MANBA: variants seen among roughly 807,000 people sequenced by gnomAD.
The protein encoded by MANBA is mannosidase beta.
MANBA carries 83 observed loss-of-function variants against 111.1 expected under a neutral mutation model. That is an observed-to-expected ratio of 0.75 (90% CI 0.63 to 0.90). The LOEUF is 0.90. MANBA is among the 40% of genes least tolerant of loss of function. MANBA has a pLI of 0.00. For missense variants in MANBA, 1,036 were observed against 1,069.0 expected, an observed-to-expected ratio of 0.97 and a Z score of 0.43; for synonymous variants, 370 against 378.7, an observed-to-expected ratio of 0.98 and a Z score of 0.27.
intron 7 of MANBA, among the ~76,000 whole-genome samples, chr4:102,685,132 G>T (rs572589719): frequency 9.9e-5 from 15 of 152,128 alleles, no homozygotes; most frequent in Non-Finnish European, 1.8e-4. Context: ...GGAAACAGGG[G>T]TCATTACTGG....
rs192417072 is a variant in MANBA, at chr4:102,693,302, T to C, written c.674-2531A>G. 7.3e-3 allele frequency among the ~76,000 whole-genome samples: 1,108 copies of C among 152,312 alleles called. 12 individuals carry two copies. The highest frequency in any genetic ancestry group is 0.031 in the South Asian group (148 of 4,820). ...TCTTGTTTTTATAAATAAACTTTTA[T>C]TGGAACACAGATGTTATGGACTAAA... On this transcript the variant is annotated intron_variant, in intron 5 of 16. Coordinates refer to ENST00000647097, the MANE Select transcript of MANBA (RefSeq NM_005908.4).
intron 13 of MANBA, 124 bp downstream of exon 13, chr4:102,650,413 A>G: frequency 1.0e-6 from 1 of 1,004,860 alleles, no homozygotes; most frequent in South Asian, 1.4e-5. Flanking sequence ...TTTGAAGAAA[A>G]TAAATTCCTT....
intron 1 of MANBA, chr4:102,730,517 C>A: frequency 1.9e-6 from 1 of 531,106 alleles, no homozygotes; most frequent in Non-Finnish European, 3.7e-6. Flanking sequence ...AACATTGATT[C>A]TACATCTTAT....
intron 11 of MANBA, among the ~76,000 whole-genome samples, chr4:102,660,974 C>T (rs183898252): frequency 2.2e-3 from 338 of 151,980 alleles, no homozygotes; most frequent in African/African-American, 8.0e-3. Context: ...CACCATCTAC[C>T]GAATAAGCTC....
At chr4:102,659,212 G>A (rs1300741004) in intron 11 of MANBA, among the ~76,000 whole-genome samples, 1 of 152,280 alleles carries the variant, frequency 6.6e-6, no homozygotes, top group Non-Finnish European at 1.5e-5. Flanking sequence ...AGAGTAGATG[G>A]CAATTTAGTG....
At chr4:102,704,579 T>A (rs28509306) in intron 5 of MANBA, among the ~76,000 whole-genome samples, 10,338 of 152,178 alleles carry the variant, frequency 0.068, 974 homozygotes, top group African/African-American at 0.21. Flanking sequence ...TAAGCTTTTT[T>A]AAAAATTTTC....
At chr4:102,700,425 T>C (rs1732971737) in intron 5 of MANBA, among the ~76,000 whole-genome samples, 1 of 152,174 alleles carries the variant, frequency 6.6e-6, no homozygotes, top group Non-Finnish European at 1.5e-5. Context: ...TGCTCTTGCT[T>C]TTCTAATTCT....
At chr4:102,679,403 C>T (rs1028000877) in intron 7 of MANBA, among the ~76,000 whole-genome samples, 1 of 151,988 alleles carries the variant, frequency 6.6e-6, no homozygotes, top group Non-Finnish European at 1.5e-5. Context: ...AGAATGTAGA[C>T]ATTAAAAATT....
chr4:102,702,724 G>A (rs143360322), intron 5 of MANBA, among the ~76,000 whole-genome samples: 25 of 152,202 alleles, frequency 1.6e-4, no homozygotes, highest in Non-Finnish European at 2.8e-4. Context: ...AGAATTTCAC[G>A]TTAATTTTTA....
At chr4:102,636,137 A>G (rs886667876) in intron 14 of MANBA, 130 bp from the exon 15 acceptor site, 2 of 792,730 alleles carry the variant, frequency 2.5e-6, no homozygotes, top group African/African-American at 1.7e-5. Context: ...TCAACAGTGG[A>G]GGGCACCCAT....
At chr4:102,670,412 C>T (rs1423414216) in intron 9 of MANBA, among the ~76,000 whole-genome samples, 7 of 152,106 alleles carry the variant, frequency 4.6e-5, no homozygotes, top group Admixed American at 4.6e-4. Context: ...TCACAATGAC[C>T]ATCAGCATTA....
chr4:102,759,839 C>G (rs147420141), intron 1 of MANBA, among the ~76,000 whole-genome samples: 1 of 152,122 alleles, frequency 6.6e-6, no homozygotes, highest in African/African-American at 2.4e-5. Context: ...TCCATATTAT[C>G]CATAAAATTC....
At chr4:102,656,370 T>G (rs185007156) in intron 12 of MANBA, among the ~76,000 whole-genome samples, 21 of 152,036 alleles carry the variant, frequency 1.4e-4, no homozygotes, top group Non-Finnish European at 2.4e-4. Flanking sequence ...ATCAAGGATA[T>G]GCAAATTTCC....
intron 3 of MANBA, 101 bp from the exon 4 acceptor site, chr4:102,723,142 T>C (rs2110193846): frequency 9.4e-7 from 1 of 1,059,704 alleles, no homozygotes; most frequent in Non-Finnish European, 1.4e-6. Flanking sequence ...CATAATATAA[T>C]GCCGATCTAG....
At chr4:102,643,963 A>G (rs1014052076) in intron 13 of MANBA, among the ~76,000 whole-genome samples, 4 of 152,146 alleles carry the variant, frequency 2.6e-5, no homozygotes, top group African/African-American at 9.7e-5. Flanking sequence ...AATTTAAGAA[A>G]CTGTTGCCTA....
At chr4:102,663,770 A>C (rs73834893) in intron 11 of MANBA, among the ~76,000 whole-genome samples, 1,720 of 152,340 alleles carry the variant, frequency 0.011, 36 homozygotes, top group African/African-American at 0.039. Context: ...AGATTATTAA[A>C]TCACATGTTA....
At chr4:102,700,368 CT>C (rs1732969126) in intron 5 of MANBA, among the ~76,000 whole-genome samples, 1 of 151,972 alleles carries the variant, frequency 6.6e-6, no homozygotes. Flanking sequence ...TTCAGTTCTG[CT>C]CTGATTTTAG....
At chr4:102,745,230 A>G (rs1350384784) in intron 1 of MANBA, among the ~76,000 whole-genome samples, 1 of 152,212 alleles carries the variant, frequency 6.6e-6, no homozygotes, top group Non-Finnish European at 1.5e-5. Flanking sequence ...CCCTGGTAAT[A>G]GACTGGGGGT....
At chr4:102,747,930 C>T (rs1723645466) in intron 1 of MANBA, among the ~76,000 whole-genome samples, 1 of 152,182 alleles carries the variant, frequency 6.6e-6, no homozygotes, top group African/African-American at 2.4e-5. Flanking sequence ...TGACACCTGA[C>T]TGAAGTGTAG....
Sources: allele counts gnomAD v4.1 joint callset (sites outside exome capture counted in the v4.1 genomes callset), GRCh38; gene constraint gnomAD v4.1.1; transcripts MANE v1.5; gene names NCBI Gene and HGNC (gene_info 2026-07-23, HGNC 2026-07-21).